Variants in GRIK2 observed in about 807,000 individuals in gnomAD.
GRIK2 encodes glutamate receptor ionotropic, kainate 2.
Under a neutral mutation model 100.3 loss-of-function variants are expected in GRIK2, and 32 were observed. The ratio of observed to expected loss-of-function variants is 0.32; its 90% CI spans 0.24 to 0.43. The LOEUF is 0.43. Ranked by LOEUF, GRIK2 falls within the 20% of genes least tolerant of loss-of-function variation. GRIK2 has a pLI of 1.00. For missense variants in GRIK2, 843 were observed against 1,114.9 expected (o/e 0.76, Z 3.47); for synonymous variants, 417 against 389.4 (o/e 1.07, Z -0.83).
chr6:102,066,358 G>A (rs896917911), intron 16 of GRIK2, among the ~76,000 whole-genome samples: 13 of 151,486 alleles, frequency 8.6e-5, no homozygotes, highest in South Asian at 6.2e-4. Context: ...AAGCAGTGCC[G>A]TGAGAACTTG....
intron 2 of GRIK2, among the ~76,000 whole-genome samples, chr6:101,553,036 C>T (rs6902396): frequency 0.15 from 22,555 of 151,956 alleles, 1,874 homozygotes; most frequent in South Asian, 0.31. Flanking sequence ...ATATTTTATC[C>T]TCATTCATTT....
intron 2 of GRIK2, among the ~76,000 whole-genome samples, chr6:101,450,569 C>T (rs1408725981): frequency 6.6e-6 from 1 of 151,590 alleles, no homozygotes; most frequent in African/African-American, 2.4e-5. Context: ...CTGATGTACA[C>T]CAGAGAACAT....
chr6:101,719,067 A>G (rs938935542), intron 7 of GRIK2, among the ~76,000 whole-genome samples: 5 of 146,946 alleles, frequency 3.4e-5, no homozygotes, highest in Admixed American at 6.8e-5. Flanking sequence ...AACAATATAT[A>G]TGATGTTTTA....
rs115170852 is a variant in GRIK2, at chr6:101,567,982, T to A, written c.116-53967T>A. Among the ~76,000 whole-genome samples the A allele has an allele frequency of 6.9e-3, 1,053 of 152,126 alleles. 18 individuals are homozygous for A. Among genetic ancestry groups the A allele is most frequent in the African/African-American group, 0.024 (1,002 of 41,576 alleles). ...AAGGCAAATATTTAGATGTAAAGCA[T>A]AATTTAATATTCTTGTTTCTAACCA... On this transcript the variant is annotated intron_variant, in intron 2 of 16. Coordinates refer to ENST00000369134, the MANE Select transcript of GRIK2 (RefSeq NM_021956.5).
At chr6:101,423,949 T>A (rs891003422) in intron 2 of GRIK2, among the ~76,000 whole-genome samples, 1 of 152,104 alleles carries the variant, frequency 6.6e-6, no homozygotes, top group African/African-American at 2.4e-5. Context: ...AAAAAGAAAT[T>A]ATATGGAATG....
At chr6:101,695,743 A>G (rs993861909) in intron 7 of GRIK2, among the ~76,000 whole-genome samples, 2 of 152,080 alleles carry the variant, frequency 1.3e-5, no homozygotes, top group Admixed American at 1.3e-4. Flanking sequence ...TAATACACCT[A>G]ACCTACCTAA....
intron 16 of GRIK2, among the ~76,000 whole-genome samples, chr6:102,059,756 CTTTT>C (rs1438993955): frequency 2.7e-5 from 4 of 150,326 alleles, no homozygotes; most frequent in Non-Finnish European, 4.5e-5. Context: ...CATAATTTTT[CTTTT>C]TTTAGGTTTT....
chr6:101,577,184 G>A (rs1777830906), intron 2 of GRIK2, among the ~76,000 whole-genome samples: 1 of 151,376 alleles, frequency 6.6e-6, no homozygotes, highest in African/African-American at 2.4e-5. Flanking sequence ...AACAACATCA[G>A]GCTAAATGTA....
At chr6:101,856,921 C>T (rs533553389) in intron 10 of GRIK2, among the ~76,000 whole-genome samples, 37 of 151,772 alleles carry the variant, frequency 2.4e-4, no homozygotes, top group Middle Eastern at 3.4e-3. Context: ...TTGAATATAC[C>T]GAGAATAATA....
intron 14 of GRIK2, among the ~76,000 whole-genome samples, chr6:101,975,809 G>GTCTATCTATCTATCTGTCTATCTA (rs1793336914): frequency 6.8e-6 from 1 of 147,408 alleles, no homozygotes; most frequent in Admixed American, 6.8e-5. Flanking sequence ...CTATCTATCT[G>GTCTATCTATCTATCTGTCTATCTA]TCTATCTATC....
chr6:101,825,703 A>T (rs1337225122), intron 10 of GRIK2, among the ~76,000 whole-genome samples: 1 of 152,102 alleles, frequency 6.6e-6, no homozygotes, highest in Non-Finnish European at 1.5e-5. Context: ...ATGGTTGAAG[A>T]CTATTTTATT....
At chr6:101,958,484 G>T (rs1792088148) in intron 14 of GRIK2, among the ~76,000 whole-genome samples, 1 of 151,922 alleles carries the variant, frequency 6.6e-6, no homozygotes, top group Non-Finnish European at 1.5e-5. Flanking sequence ...TATATCATTT[G>T]ACGTCCTCTT....
At chr6:101,774,040 C>A (rs1778579242) in intron 7 of GRIK2, among the ~76,000 whole-genome samples, 1 of 152,012 alleles carries the variant, frequency 6.6e-6, no homozygotes, top group Admixed American at 6.6e-5. Context: ...ATCTCTCTAA[C>A]TTTTTAAGTC....
At chr6:101,936,254 G>A (rs1242543442) in intron 14 of GRIK2, among the ~76,000 whole-genome samples, 8 of 151,818 alleles carry the variant, frequency 5.3e-5, no homozygotes, top group Non-Finnish European at 1.2e-4. Flanking sequence ...AAGAAATATC[G>A]CAGTAAAGAT....
At chr6:101,486,070 G>A (rs1335111322) in intron 2 of GRIK2, among the ~76,000 whole-genome samples, 1 of 152,090 alleles carries the variant, frequency 6.6e-6, no homozygotes, top group East Asian at 1.9e-4. Context: ...GAATTGGTGA[G>A]TATTGGTGAG....
intron 15 of GRIK2, among the ~76,000 whole-genome samples, chr6:102,045,197 A>G (rs1386302304): frequency 4.6e-5 from 7 of 152,088 alleles, no homozygotes. Context: ...CAAAGACTAC[A>G]TAAAATTTAG....
intron 2 of GRIK2, among the ~76,000 whole-genome samples, chr6:101,434,844 G>T (rs1769623487): frequency 6.6e-6 from 1 of 152,036 alleles, no homozygotes; most frequent in Non-Finnish European, 1.5e-5. Flanking sequence ...TCCTGAAAGG[G>T]AAACATAAAC....
chr6:102,001,288 A>G (rs1478850493), intron 14 of GRIK2, among the ~76,000 whole-genome samples: 2 of 151,044 alleles, frequency 1.3e-5, no homozygotes, highest in Admixed American at 1.3e-4. Flanking sequence ...TGCTGAACCT[A>G]TCAACCTGTC....
intron 2 of GRIK2, among the ~76,000 whole-genome samples, chr6:101,576,577 T>A (rs978443506): frequency 6.9e-6 from 1 of 144,610 alleles, no homozygotes; most frequent in Non-Finnish European, 1.5e-5. Flanking sequence ...TAAGAAAATA[T>A]CTAAGGTGAT....
Sources: allele counts gnomAD v4.1 joint callset (sites outside exome capture counted in the v4.1 genomes callset), GRCh38; gene constraint gnomAD v4.1.1; transcripts MANE v1.5; gene names NCBI Gene and HGNC (gene_info 2026-07-23, HGNC 2026-07-21).